The following ZNF83 variants were observed in gnomAD, a reference collection of about 807,000 sequenced individuals.
The protein encoded by ZNF83 is zinc finger protein 816B.
For synonymous variants in ZNF83, 209 were observed against 213.0 expected, an observed-to-expected ratio of 0.98 and a Z score of 0.17; for missense variants, 552 against 629.9, an observed-to-expected ratio of 0.88 and a Z score of 1.32.
chr19:52,682,445 G>C (rs768188185), intron 1 of ZNF83, among the ~76,000 whole-genome samples: 7 of 152,014 alleles, frequency 4.6e-5, no homozygotes, highest in Non-Finnish European at 7.4e-5. Flanking sequence ...GGCTGAGGTG[G>C]GCAGATCACA....
At chr19:52,644,296 C>A (rs1357334020) in intron 3 of ZNF83, among the ~76,000 whole-genome samples, 1 of 152,036 alleles carries the variant, frequency 6.6e-6, no homozygotes, top group Non-Finnish European at 1.5e-5. Flanking sequence ...TTTTGCCAAT[C>A]ATTTCAGGGG....
intron 2 of ZNF83, among the ~76,000 whole-genome samples, chr19:52,630,687 T>G (rs1049675988): frequency 6.6e-6 from 1 of 152,046 alleles, no homozygotes; most frequent in African/African-American, 2.4e-5. Flanking sequence ...TCTCCACTCC[T>G]TCCCTGGCAA....
chr19:52,637,314 C>A (rs1461018186), intron 1 of ZNF83, among the ~76,000 whole-genome samples: 1 of 152,042 alleles, frequency 6.6e-6, no homozygotes, highest in East Asian at 1.9e-4. Flanking sequence ...AACCACAGAT[C>A]CCCAGGTGTC....
chr19:52,623,032 A>C (rs1205966497), intron 2 of ZNF83, among the ~76,000 whole-genome samples: 1 of 152,240 alleles, frequency 6.6e-6, no homozygotes, highest in African/African-American at 2.4e-5. Flanking sequence ...TTCAAGTGCC[A>C]GAAATCTGGC....
At chr19:52,688,854 C>T (rs1457020518) in intron 1 of ZNF83, among the ~76,000 whole-genome samples, 2 of 151,374 alleles carry the variant, frequency 1.3e-5, no homozygotes, top group African/African-American at 4.9e-5. Flanking sequence ...GCCTGTCAAG[C>T]TCACATCAAG....
At chr19:52,690,488 C>T in exon 1 of ZNF83, 1 of 185,668 alleles carries the variant, frequency 5.4e-6, no homozygotes. Context: ...TCCAGATTTG[C>T]GAGAATCTGC....
intron 2 of ZNF83, among the ~76,000 whole-genome samples, chr19:52,634,656 C>A (rs548686613): frequency 2.6e-5 from 4 of 152,126 alleles, no homozygotes; most frequent in Non-Finnish European, 5.9e-5. Flanking sequence ...TATTTGTCTC[C>A]TTTTCTAGAA....
At chr19:52,626,371 G>A (rs1180494464) in intron 2 of ZNF83, among the ~76,000 whole-genome samples, 1 of 152,206 alleles carries the variant, frequency 6.6e-6, no homozygotes, top group Non-Finnish European at 1.5e-5. Flanking sequence ...GGAGGACTCT[G>A]TATATTTTTA....
At chr19:52,623,296 C>G (rs118140211) in intron 2 of ZNF83, among the ~76,000 whole-genome samples, 3 of 152,066 alleles carry the variant, frequency 2.0e-5, no homozygotes, top group Non-Finnish European at 2.9e-5. Context: ...TACAGTGGGG[C>G]GTAAGTCCAT....
At chr19:52,663,794 G>A (rs967396243) in intron 1 of ZNF83, among the ~76,000 whole-genome samples, 2 of 152,154 alleles carry the variant, frequency 1.3e-5, no homozygotes, top group African/African-American at 4.8e-5. Context: ...TGAGGTCAAA[G>A]AAGAAAATTC....
At chr19:52,681,101 A>G (rs2061909616) in intron 1 of ZNF83, among the ~76,000 whole-genome samples, 1 of 151,706 alleles carries the variant, frequency 6.6e-6, no homozygotes, top group Non-Finnish European at 1.5e-5. Context: ...CCTGGCCAAC[A>G]TGGTAAAACC....
intron 1 of ZNF83, among the ~76,000 whole-genome samples, chr19:52,689,585 C>T (rs1215850194): frequency 6.6e-6 from 1 of 152,208 alleles, no homozygotes; most frequent in African/African-American, 2.4e-5. Context: ...CTCTGTACAT[C>T]CAGCTTTTCT....
intron 2 of ZNF83, chr19:52,655,792 C>A: frequency 1.7e-6 from 1 of 591,274 alleles, no homozygotes; most frequent in South Asian, 2.3e-5. Flanking sequence ...AGACGGTGTT[C>A]TGACAAACCC....
intron 2 of ZNF83, among the ~76,000 whole-genome samples, chr19:52,628,466 G>C (rs902785111): frequency 6.6e-6 from 1 of 151,738 alleles, no homozygotes; most frequent in Non-Finnish European, 1.5e-5. Context: ...TCATTTTCTG[G>C]TAGAGACAAA....
exon 3 of ZNF83, chr19:52,614,032 T>G: frequency 6.2e-7 from 1 of 1,613,320 alleles, no homozygotes; most frequent in Non-Finnish European, 8.5e-7. Context: ...TTCATTACAT[T>G]TATATGGTTT....
chr19:52,631,099 C>T (rs2060940828), intron 2 of ZNF83, among the ~76,000 whole-genome samples: 1 of 118,422 alleles, frequency 8.4e-6, no homozygotes. Flanking sequence ...ACCCTGACAC[C>T]CATTAGGCTC....
intron 1 of ZNF83, among the ~76,000 whole-genome samples, chr19:52,666,745 G>A (rs529830547): frequency 3.9e-4 from 60 of 152,132 alleles, no homozygotes; most frequent in African/African-American, 1.4e-3. Flanking sequence ...AACCCAGCAG[G>A]TTTTCTAACA....
intron 2 of ZNF83, among the ~76,000 whole-genome samples, chr19:52,626,970 A>G (rs1198689657): frequency 6.6e-6 from 1 of 152,198 alleles, no homozygotes; most frequent in Non-Finnish European, 1.5e-5. Context: ...AAAGAAGTGA[A>G]ACAGCCAGCC....
At chr19:52,655,612 C>T (rs917824943) in exon 3 of ZNF83, 1 of 1,504,730 alleles carries the variant, frequency 6.6e-7, no homozygotes, top group African/African-American at 1.4e-5. Context: ...CTGTATAAAG[C>T]CCTCTGTGCA....
Sources: allele counts gnomAD v4.1 joint callset (sites outside exome capture counted in the v4.1 genomes callset), GRCh38; gene constraint gnomAD v4.1.1; transcripts MANE v1.5; gene names NCBI Gene and HGNC (gene_info 2026-07-23, HGNC 2026-07-21).